DNAH11: variants seen among roughly 807,000 people sequenced by gnomAD.
The protein encoded by DNAH11 is axonemal beta dynein heavy chain 11.
Under a neutral mutation model 526.0 loss-of-function variants are expected in DNAH11, and 442 were observed. The observed-to-expected ratio is 0.84, with a 90% CI of 0.78 to 0.91. DNAH11 has a LOEUF of 0.91. DNAH11 is among the 40% of genes least tolerant of loss of function. The probability of loss-of-function intolerance (pLI) is 0.00; values close to 1 mark genes in which losing one functional copy is unlikely to be tolerated. For synonymous variants in DNAH11, 2,461 were observed against 1,935.9 expected (o/e 1.27, Z -7.12); for missense variants, 6,989 against 5,448.7 (o/e 1.28, Z -8.90).
rs79696274 is a variant in DNAH11, at chr7:21,853,789, A to G, written c.11062-526A>G. ...ACATAAAGATAAACTAAATGGAAAT[A>G]TATGGACATATGGATGATCCAGTGC... On this transcript the variant is annotated intron_variant, in intron 67 of 81. Coordinates refer to ENST00000409508, the MANE Select transcript of DNAH11 (RefSeq NM_001277115.2). 3.2e-3 allele frequency among the ~76,000 whole-genome samples: 483 copies of G among 152,378 alleles called. 2 individuals are homozygous for G. Among genetic ancestry groups the G allele is most frequent in the African/African-American group, 0.011 (470 of 41,592 alleles).
At chr7:21,686,086 A>C (rs572693873) in intron 32 of DNAH11, among the ~76,000 whole-genome samples, 1 of 152,236 alleles carries the variant, frequency 6.6e-6, no homozygotes, top group Non-Finnish European at 1.5e-5. Context: ...TGTAAGATAC[A>C]CTTAAACATG....
In DNAH11 at chr7:21,868,992, G is replaced by A; in HGVS notation, c.11967+1G>A. On this transcript the variant is annotated splice_donor_variant, in intron 73 of 81. Transcript: ENST00000409508. LOFTEE classifies it high-confidence loss of function. ...AGGAGGACACTGGGTCATCCTCCAAGTGAGTATTAAGTTTCAGGGAAGACA... is the reference window on the plus strand; with the variant it reads ...AGGAGGACACTGGGTCATCCTCCAAATGAGTATTAAGTTTCAGGGAAGACA... The A allele has an allele frequency of 6.2e-7, 1 of 1,613,882 alleles. No individual in the cohort carries two copies. Among genetic ancestry groups the A allele is most frequent in the East Asian group, 2.2e-5 (1 of 44,876 alleles).
chr7:21,753,334 C>T (rs1786492770), intron 54 of DNAH11, among the ~76,000 whole-genome samples: 1 of 152,144 alleles, frequency 6.6e-6, no homozygotes, highest in Non-Finnish European at 1.5e-5. Flanking sequence ...CATGCTGCCT[C>T]CGGCTACTAA....
At chr7:21,612,213 A>AAAAGAAAAATATTAACC (rs1318917594) in intron 20 of DNAH11, among the ~76,000 whole-genome samples, 1 of 152,154 alleles carries the variant, frequency 6.6e-6, no homozygotes, top group Admixed American at 6.5e-5. Context: ...TCAGAAAATA[A>AAAAGAAAAATATTAACC]AAAGAAAAAT....
intron 36 of DNAH11, among the ~76,000 whole-genome samples, chr7:21,702,351 G>A (rs1327175804): frequency 6.6e-6 from 1 of 152,158 alleles, no homozygotes; most frequent in Non-Finnish European, 1.5e-5. Flanking sequence ...AGCACAGGTG[G>A]AGAAATGTGC....
chr7:21,656,062 A>T (rs1782003303), intron 29 of DNAH11, 81 bp downstream of exon 29: 1 of 1,434,472 alleles, frequency 7.0e-7, no homozygotes, highest in Admixed American at 2.6e-5. Flanking sequence ...ACAAGCAAAA[A>T]ATTCAACCCA....
In DNAH11 at chr7:21,801,586, G is replaced by A. The variant is rs994074630; in HGVS notation, c.10165+311G>A. Among the ~76,000 whole-genome samples, 4 of 152,264 alleles carry A rather than the reference G, an allele frequency of 2.6e-5. No homozygotes were observed. In the East Asian group the frequency reaches 7.7e-4, roughly 29 times the overall value. On this transcript the variant is annotated intron_variant, in intron 62 of 81. Coordinates refer to ENST00000409508, the MANE Select transcript of DNAH11 (RefSeq NM_001277115.2). ...ACAATGGAGTACATCAGCTGTGGGT[G>A]GGTTATGTACTTATTTTTTCTACTT... is the stretch of plus-strand genomic sequence containing the variant.
intron 14 of DNAH11, among the ~76,000 whole-genome samples, chr7:21,599,039 A>G (rs556356036): frequency 6.6e-6 from 1 of 152,326 alleles, no homozygotes; most frequent in Admixed American, 6.5e-5. Context: ...ATAGTGCTAT[A>G]ATGAACATAC....
intron 25 of DNAH11, among the ~76,000 whole-genome samples, chr7:21,623,533 C>A (rs1290008713): frequency 1.3e-5 from 2 of 152,096 alleles, no homozygotes; most frequent in African/African-American, 2.4e-5. Context: ...TATTGTGGCA[C>A]TATTCACAAT....
At chr7:21,875,733 G>T (rs1199464967) in intron 74 of DNAH11, among the ~76,000 whole-genome samples, 1 of 152,082 alleles carries the variant, frequency 6.6e-6, no homozygotes, top group Non-Finnish European at 1.5e-5. Context: ...CAAAGCCTAT[G>T]CATGAATTCC....
At chr7:21,616,158 C>G (rs1419134821) in intron 21 of DNAH11, 51 bp from the exon 22 acceptor site, 12 of 1,411,228 alleles carry the variant, frequency 8.5e-6, no homozygotes, top group Admixed American at 3.4e-5. Flanking sequence ...GCTGCAGAGA[C>G]TTGCTTTCAC....
intron 25 of DNAH11, among the ~76,000 whole-genome samples, chr7:21,623,758 G>T (rs574832645): frequency 6.1e-4 from 92 of 151,392 alleles, no homozygotes; most frequent in South Asian, 1.5e-3. Flanking sequence ...AGGTGGGAAT[G>T]GAACAATGAG....
intron 74 of DNAH11, among the ~76,000 whole-genome samples, chr7:21,877,460 T>A (rs1020920296): frequency 6.6e-6 from 1 of 152,240 alleles, no homozygotes; most frequent in East Asian, 1.9e-4. Context: ...ATGAACAGTT[T>A]GTTTAATACT....
At chr7:21,631,535 A>G (rs1025783706) in intron 25 of DNAH11, among the ~76,000 whole-genome samples, 2 of 152,258 alleles carry the variant, frequency 1.3e-5, no homozygotes, top group African/African-American at 2.4e-5. Context: ...GGATAAATAC[A>G]GCCATTCCAA....
chr7:21,779,365 A>G (rs1339335635), intron 57 of DNAH11, among the ~76,000 whole-genome samples: 1 of 152,190 alleles, frequency 6.6e-6, no homozygotes, highest in Non-Finnish European at 1.5e-5. Context: ...ATGGATGTGG[A>G]TCTTGAACAT....
Position 21,818,271 on chromosome 7 carries a change from A to C in DNAH11, c.10623A>C (p.Glu3541Asp). ...CCTTTGGTGATGTCATCTTAATTGAAAATCTCGAGGAAACGATAGATCCAG... is the reference window on the plus strand; with the variant it reads ...CCTTTGGTGATGTCATCTTAATTGACAATCTCGAGGAAACGATAGATCCAG... ...ALAFGDVILI[E>D]NLEETIDPVL... Residue 3541 changes from glutamate to aspartate, a missense_variant, in exon 65 of 82, where the codon GAA becomes GAC. By Grantham distance (45) the Glu-to-Asp change is conservative. Coordinates refer to ENST00000409508, the MANE Select transcript of DNAH11 (RefSeq NM_001277115.2). 1.9e-6 allele frequency: 3 copies of C among 1,612,414 alleles called. No homozygotes were observed. Among genetic ancestry groups the C allele is most frequent in the Non-Finnish European group, 2.5e-6 (3 of 1,179,080 alleles).
intron 30 of DNAH11, among the ~76,000 whole-genome samples, chr7:21,664,618 C>G (rs1169422176): frequency 6.6e-6 from 1 of 152,028 alleles, no homozygotes; most frequent in Non-Finnish European, 1.5e-5. Flanking sequence ...ACTACCACAG[C>G]TGACTAATTT....
At chr7:21,825,295 G>T (rs1790232954) in intron 65 of DNAH11, among the ~76,000 whole-genome samples, 1 of 150,934 alleles carries the variant, frequency 6.6e-6, no homozygotes, top group African/African-American at 2.5e-5. Context: ...GAATATTACT[G>T]AATATTCATG....
Position 21,561,159 on chromosome 7 carries a change from C to T in DNAH11, c.971C>T (p.Ala324Val), listed in dbSNP as rs79874320. The stretch of plus-strand genomic sequence containing the variant: ...CCTACTCTGAAGGACATTTTTCTGG[C>T]TGTGGAAAATGGTAAGACTCTTGTT... ...YFPTLKDIFLAVENALLEAQD... is the reference protein window; with the variant it reads ...YFPTLKDIFLVVENALLEAQD... Residue 324 changes from alanine to valine, a missense_variant, in exon 5 of 82, where the codon GCT becomes GTT. Physicochemically the swap from Ala to Val is moderately conservative, Grantham distance 64. Transcript: ENST00000409508. 2.2e-4 allele frequency: 350 copies of T among 1,590,874 alleles called. 2 individuals carry two copies. The East Asian group carries it at 7.8e-3, about 35-fold the overall frequency.
Sources: allele counts gnomAD v4.1 joint callset (sites outside exome capture counted in the v4.1 genomes callset), GRCh38; gene constraint gnomAD v4.1.1; transcripts MANE v1.5; gene names NCBI Gene and HGNC (gene_info 2026-07-23, HGNC 2026-07-21).